The following SIGLEC1 variants were observed in gnomAD, a reference collection of about 807,000 sequenced individuals.
The protein encoded by SIGLEC1 is sialic acid binding Ig like lectin 1.
A neutral mutation model predicts 148.0 loss-of-function variants in SIGLEC1; 132 were observed. The ratio of observed to expected loss-of-function variants is 0.89; its 90% CI spans 0.77 to 1.03. The LOEUF (loss-of-function observed/expected upper bound fraction) is 1.03, where lower values mean the gene tolerates loss of function less well. SIGLEC1 is among the 50% of genes least tolerant of loss of function. SIGLEC1 has a pLI of 0.00. For missense variants in SIGLEC1, 2,253 were observed against 2,271.4 expected (o/e 0.99, Z 0.16); for synonymous variants, 945 against 969.0 (o/e 0.98, Z 0.46).
In SIGLEC1 at chr20:3,701,626, G is replaced by GGGGT; in HGVS notation, c.1243_1244insACCC (p.Pro415HisfsTer25). On this transcript the variant is annotated frameshift_variant, in exon 7 of 22. Coordinates refer to ENST00000344754, the MANE Select transcript of SIGLEC1 (RefSeq NM_023068.4). LOFTEE classifies it high-confidence loss of function. ...GGTCTCCAGGAAGGCTGTCAGGACT[G>GGGGT]GAGTGAGAGGCGGGTCTGTGTGGAG... 1.3e-6 allele frequency: 2 copies of GGGGT among 1,573,012 alleles called. No individual in the cohort carries two copies. The highest frequency in any genetic ancestry group is 1.7e-6 in the Non-Finnish European group (2 of 1,155,004).
chr20:3,702,542 A>G (rs2087860087), intron 6 of SIGLEC1, among the ~76,000 whole-genome samples: 1 of 151,868 alleles, frequency 6.6e-6, no homozygotes, highest in South Asian at 2.1e-4. Context: ...GAGCCAAGAT[A>G]GCACCATTGC....
In SIGLEC1 at chr20:3,699,463, C is replaced by T. The variant is rs370710779; in HGVS notation, c.1529-4G>A. ...GGGCTGATGAGGAGACGGGCGGCTG[C>T]GGGGAGAGGAAGAGGCTGGGAAGGG... On this transcript the variant is annotated splice_polypyrimidine_tract_variant and splice_region_variant and intron_variant, in intron 7 of 21. Transcript: ENST00000344754. 3.3e-4 allele frequency: 536 copies of T among 1,605,470 alleles called. No homozygotes were observed. Among genetic ancestry groups the T allele is most frequent in the Admixed American group, 5.1e-4 (30 of 58,910 alleles).
chr20:3,688,877 G>A, intron 21 of SIGLEC1: 1 of 597,774 alleles, frequency 1.7e-6, no homozygotes, highest in Non-Finnish European at 3.0e-6. Flanking sequence ...AGGTGGGGGA[G>A]TCAGAACATA....
At position 3,690,117 on chromosome 20, in the gene SIGLEC1, C is replaced by T. The variant is rs1030346674; in HGVS notation, c.4739G>A (p.Gly1580Asp). ...SRLVASSQPQ[G>D]APAEPHIHVL... is the part of the protein sequence containing the mutation. ...ATGGATGTGTGGCTCTGCAGGAGCA[C>T]CCTGGGGCTGACTGGAGGCCACCAG... Residue 1580 changes from glycine (G) to aspartate (D), a missense_variant, in exon 19 of 22, where the codon GGT (glycine) becomes GAT (aspartate). Physicochemically the swap from Gly to Asp is moderately conservative, Grantham distance 94. Coordinates refer to ENST00000344754, the MANE Select transcript of SIGLEC1 (RefSeq NM_023068.4). 3.7e-6 allele frequency: 6 copies of T among 1,610,080 alleles called. No individual in the cohort carries two copies. The highest frequency in any genetic ancestry group is 5.1e-6 in the Non-Finnish European group (6 of 1,178,676).
chr20:3,692,262 C>T, intron 16 of SIGLEC1, 60 bp from the exon 17 acceptor site: 2 of 1,470,174 alleles, frequency 1.4e-6, no homozygotes, highest in Non-Finnish European at 1.8e-6. Flanking sequence ...TGCTCATTGC[C>T]TAGCTGCCTG....
At chr20:3,706,272 G>A (rs1393687040) in intron 3 of SIGLEC1, 75 bp downstream of exon 3, 2 of 1,535,242 alleles carry the variant, frequency 1.3e-6, no homozygotes, top group African/African-American at 1.4e-5. Flanking sequence ...ACAAGGGCTG[G>A]GGCTGAGAGC....
At position 3,703,370 on chromosome 20, in the gene SIGLEC1, G is replaced by A; in HGVS notation, c.1055C>T (p.Ala352Val). 3.1e-6 allele frequency: 5 copies of A among 1,613,260 alleles called. No homozygotes were observed. The highest frequency in any genetic ancestry group is 3.4e-6 in the Non-Finnish European group (4 of 1,179,528). The stretch of plus-strand genomic sequence containing the variant: ...CCAGCTGTAGCGGAGATCACTGGGT[G>A]CCTCATTGGGTGTGTTGCAGACTAG... ...VTLVCNTPNE[A>V]PSDLRYSWYK... The change falls in exon 6 of 22, where the codon GCA becomes GTA. Residue 352 changes from alanine (A) to valine (V), a missense_variant. Transcript: ENST00000344754.
chr20:3,702,012 G>A (rs1278148711), intron 6 of SIGLEC1, among the ~76,000 whole-genome samples: 1 of 152,120 alleles, frequency 6.6e-6, no homozygotes, highest in Non-Finnish European at 1.5e-5. Flanking sequence ...GCATGTCCGC[G>A]GCCTTCCCAC....
chr20:3,706,233 G>A, intron 3 of SIGLEC1, 114 bp downstream of exon 3: 1 of 1,442,688 alleles, frequency 6.9e-7, no homozygotes, highest in Non-Finnish European at 9.3e-7. Flanking sequence ...CTGGAACAGA[G>A]GCTGAGACTG....
At chr20:3,700,154 G>A (rs2087839183) in intron 7 of SIGLEC1, among the ~76,000 whole-genome samples, 1 of 110,828 alleles carries the variant, frequency 9.0e-6, no homozygotes, top group African/African-American at 3.6e-5. Flanking sequence ...GTCTTGCTCC[G>A]TCAGCCAGGC....
chr20:3,706,792 G>GTGCTC (rs200194398), intron 2 of SIGLEC1, 86 bp from the exon 3 acceptor site: 39,323 of 1,434,808 alleles, frequency 0.027, 694 homozygotes, highest in South Asian at 0.037. Context: ...CCCAGAGAAG[G>GTGCTC]TGCCCCAGCT....
chr20:3,691,006 T>C (rs766609757), intron 18 of SIGLEC1, among the ~76,000 whole-genome samples: 4 of 151,998 alleles, frequency 2.6e-5, no homozygotes, highest in Non-Finnish European at 5.9e-5. Context: ...AATTCTTGTA[T>C]TTTTAGTAGA....
rs1225615478 is a variant in SIGLEC1, at chr20:3,703,911, G to T, written c.887C>A (p.Ala296Asp). ...KTGVLHLPQAAWSDAGVYTCQ... is the reference protein window; with the variant it reads ...KTGVLHLPQADWSDAGVYTCQ... ...GGTGTAGACGCCAGCATCGCTCCAG[G>T]CTGCCTGGGGCAGGTGCAGCACACC... The change falls in exon 5 of 22, where the codon GCC (alanine) becomes GAC (aspartate). Residue 296 changes from alanine to aspartate, a missense_variant. Physicochemically the swap from Ala to Asp is moderately radical, Grantham distance 126. Coordinates refer to ENST00000344754, the MANE Select transcript of SIGLEC1 (RefSeq NM_023068.4). 6.2e-7 allele frequency: 1 copy of T among 1,613,996 alleles called. No individual in the cohort carries two copies.
At chr20:3,690,842 TTTTC>T (rs1199271633) in intron 18 of SIGLEC1, among the ~76,000 whole-genome samples, 2,033 of 111,348 alleles carry the variant, frequency 0.018, 33 homozygotes, top group Non-Finnish European at 0.025. Context: ...TTTTTTTTTT[TTTTC>T]TTGAGACAGA....
chr20:3,692,546 G>A lies in SIGLEC1; in HGVS notation c.4005C>T (p.Ser1335=). 1 of 1,603,158 alleles carries A rather than the reference G, an allele frequency of 6.2e-7. No individual in the cohort carries two copies. Among genetic ancestry groups the A allele is most frequent in the South Asian group, 1.1e-5 (1 of 90,148 alleles). Residue 1335 remains serine (S), a synonymous_variant, in exon 16 of 22, where the codon TCC becomes TCT. Coordinates refer to ENST00000344754, the MANE Select transcript of SIGLEC1 (RefSeq NM_023068.4). The part of the protein sequence containing the change: ...QAQDAQGTRS[S]RPAALQVLYA... Reference sequence around the variant, plus strand: ...AGAGGACTTGCAGGGCAGCAGGACGGGAGCTGCGGGTGCCCTGGGCATCCT... The same window carrying A: ...AGAGGACTTGCAGGGCAGCAGGACGAGAGCTGCGGGTGCCCTGGGCATCCT...
chr20:3,693,568 C>T lies in SIGLEC1; in HGVS notation c.3387G>A (p.Leu1129=). The T allele has an allele frequency of 6.2e-7, 1 of 1,612,646 alleles. No homozygotes were observed. The highest frequency in any genetic ancestry group is 1.1e-5 in the South Asian group (1 of 90,896). Residue 1129 remains leucine (L), a synonymous_variant, in exon 14 of 22, where the codon CTG becomes CTA. Transcript: ENST00000344754. ...TGGGCAGGGGGATGGAGTGGGCATC[C>T]AGGCGCTGCTGCCCATCCTGGTACC... is the stretch of plus-strand genomic sequence containing the variant. The part of the protein sequence containing the change: ...YTWYQDGQQR[L]DAHSIPLPNV...
In SIGLEC1 at chr20:3,692,459, G is replaced by A; in HGVS notation, c.4030+62C>T. 4 of 1,501,724 alleles carry A rather than the reference G, an allele frequency of 2.7e-6. No individual in the cohort carries two copies. The South Asian group carries it at 3.9e-5, about 15-fold the overall frequency. 93.0% of individuals were successfully genotyped at this position (1,501,724 alleles called of 1,614,324 possible). On this transcript the variant is annotated intron_variant, in intron 16 of 21. Coordinates refer to ENST00000344754, the MANE Select transcript of SIGLEC1 (RefSeq NM_023068.4). ...CAGTCCTTTGCCCACTCCCACCAGA[G>A]CCCAGAAGCACCCTCCACCACCCTC...
rs751757069 is a variant in SIGLEC1 at position 3,694,217 on chromosome 20, T to G, written c.3256+4A>C. Reference sequence around the variant, plus strand: ...CACACACACACACACACACACACACTGACCTTGAGCGTCGAAGTCAGCTGA... The same window carrying G: ...CACACACACACACACACACACACACGGACCTTGAGCGTCGAAGTCAGCTGA... On this transcript the variant is annotated splice_donor_region_variant and intron_variant, in intron 13 of 21. Coordinates refer to ENST00000344754, the MANE Select transcript of SIGLEC1 (RefSeq NM_023068.4). The G allele has an allele frequency of 2.2e-6, 3 of 1,365,314 alleles. No individual in the cohort carries two copies. The highest frequency in any genetic ancestry group is 3.0e-6 in the Non-Finnish European group (3 of 1,002,902). 84.6% of individuals were successfully genotyped at this position (1,365,314 alleles called of 1,614,324 possible). A position where few individuals can be genotyped will look rare whatever the true frequency, so the allele number is the denominator to read the frequency against.
chr20:3,705,727 G>A lies in SIGLEC1; in HGVS notation c.706+17C>T. 1 of 1,592,744 alleles carries A rather than the reference G, an allele frequency of 6.3e-7. No homozygotes were observed. The highest frequency in any genetic ancestry group is 8.6e-7 in the Non-Finnish European group (1 of 1,166,650). On this transcript the variant is annotated intron_variant, in intron 4 of 21. Coordinates refer to ENST00000344754, the MANE Select transcript of SIGLEC1 (RefSeq NM_023068.4). Reference sequence around the variant, plus strand: ...CAGATGCGCTCAGCCACAAGGGTGTGTCCCCAGACAACTCACACTTCACTT... The same window carrying A: ...CAGATGCGCTCAGCCACAAGGGTGTATCCCCAGACAACTCACACTTCACTT...
Sources: allele counts gnomAD v4.1 joint callset (sites outside exome capture counted in the v4.1 genomes callset), GRCh38; gene constraint gnomAD v4.1.1; transcripts MANE v1.5; gene names NCBI Gene and HGNC (gene_info 2026-07-23, HGNC 2026-07-21).